The following TUBG2 variants were observed in gnomAD, a reference collection of about 807,000 sequenced individuals.
TUBG2 encodes the protein tubulin gamma-2 chain.
In TUBG2, 39 loss-of-function variants were observed where a neutral mutation model predicts 55.1. That is an observed-to-expected ratio of 0.71 (90% CI 0.55 to 0.93). The LOEUF is 0.93. TUBG2 is among the 40% of genes least tolerant of loss of function. The pLI is 0.00. For synonymous variants in TUBG2, 223 were observed against 241.0 expected (o/e 0.93, Z 0.69); for missense variants, 358 against 599.1 (o/e 0.60, Z 4.20).
chr17:42,660,639 G>A lies in TUBG2; in HGVS notation c.331G>A (p.Gly111Ser). 1 of 1,613,924 alleles carries A rather than the reference G, an allele frequency of 6.2e-7. No individual in the cohort carries two copies. Among genetic ancestry groups the A allele is most frequent in the Non-Finnish European group, 8.5e-7 (1 of 1,179,880 alleles). The change falls in exon 4 of 11, where the codon GGT becomes AGT. Residue 111 changes from glycine (G) to serine (S), a missense_variant and splice_region_variant. Coordinates refer to ENST00000251412, the MANE Select transcript of TUBG2 (RefSeq NM_016437.3). Reference sequence around the variant, plus strand: ...CCTCCCTTTCCATATCTCTATACAGGGTGAGAAAATTCATGAAGACATCTT... The same window carrying A: ...CCTCCCTTTCCATATCTCTATACAGAGTGAGAAAATTCATGAAGACATCTT... The part of the protein sequence containing the change: ...GNNWASGFSQ[G>S]EKIHEDIFDI...
At chr17:42,665,199 C>T (rs914823537) in intron 6 of TUBG2, among the ~76,000 whole-genome samples, 1 of 152,078 alleles carries the variant, frequency 6.6e-6, no homozygotes, top group Non-Finnish European at 1.5e-5. Flanking sequence ...AGGCGCCCGC[C>T]AACATGCCTG....
chr17:42,664,276 T>TA (rs11361586), intron 6 of TUBG2, among the ~76,000 whole-genome samples: 59 of 140,270 alleles, frequency 4.2e-4, no homozygotes, highest in Non-Finnish European at 1.8e-4. Context: ...ACCTTGTGTT[T>TA]AAAAAAAAAA....
At chr17:42,666,049 T>G (rs1323654730) in intron 8 of TUBG2, 38 bp from the exon 9 acceptor site, 2 of 1,613,600 alleles carry the variant, frequency 1.2e-6, no homozygotes, top group Middle Eastern at 1.7e-4. Flanking sequence ...GACTGTGCCC[T>G]GAGCGCTGGC....
At chr17:42,665,023 A>G (rs1223139016) in intron 6 of TUBG2, among the ~76,000 whole-genome samples, 3 of 150,170 alleles carry the variant, frequency 2.0e-5, no homozygotes, top group Non-Finnish European at 4.4e-5. Flanking sequence ...CAGTACTTTT[A>G]TTTTATTTTA....
rs751938532 is a variant in TUBG2 at position 42,662,997 on chromosome 17, G to A, written c.424G>A (p.Ala142Thr). The A allele has an allele frequency of 7.4e-6, 12 of 1,613,958 alleles. No individual in the cohort carries two copies. Among genetic ancestry groups the A allele is most frequent in the Non-Finnish European group, 9.3e-6 (11 of 1,180,004 alleles). The change falls in exon 5 of 11, where the codon GCT (alanine) becomes ACT (threonine). Residue 142 changes from alanine (A) to threonine (T), a missense_variant. By Grantham distance (58) the Ala-to-Thr change is moderately conservative. Around this residue, in one of 8 missense-constraint regions of TUBG2, gnomAD observed 30 missense variants for 52.8 expected, o/e 0.57. Coordinates refer to ENST00000251412, the MANE Select transcript of TUBG2 (RefSeq NM_016437.3). ...LEGFVLCHSI[A>T]GGTGSGLGSY... The stretch of plus-strand genomic sequence containing the variant: ...GGGCTTCGTGCTGTGTCACTCCATC[G>A]CTGGGGGTACGGGTTCTGGCCTGGG...
chr17:42,659,629 A>G, intron 1 of TUBG2, 77 bp downstream of exon 1: 2 of 1,466,180 alleles, frequency 1.4e-6, no homozygotes, highest in Non-Finnish European at 1.8e-6. Flanking sequence ...GGCTTCCACC[A>G]GTCCCCCTTT....
At chr17:42,663,205 G>A (rs1046385887) in intron 5 of TUBG2, among the ~76,000 whole-genome samples, 153 bp downstream of exon 5, 1 of 152,090 alleles carries the variant, frequency 6.6e-6, no homozygotes, top group Non-Finnish European at 1.5e-5. Context: ...TTGGGGGGTG[G>A]GGGTTTACCT....
chr17:42,660,678 C>G lies in TUBG2; in HGVS notation c.370C>G (p.Arg124Gly), dbSNP rs1365669380. The change falls in exon 4 of 11, where the codon CGA becomes GGA. Residue 124 changes from arginine to glycine, a missense_variant. Physicochemically the swap from Arg to Gly is moderately radical, Grantham distance 125. This residue lies in a region of TUBG2 where 30 missense variants were observed against 52.8 expected (regional missense o/e 0.57). Coordinates refer to ENST00000251412, the MANE Select transcript of TUBG2 (RefSeq NM_016437.3). ...TGAAGACATCTTTGACATCATAGAC[C>G]GAGAAGCAGATGGAAGTGACAGTTT... is the stretch of plus-strand genomic sequence containing the variant. The part of the protein sequence containing the change: ...IHEDIFDIID[R>G]EADGSDSLEG... The G allele has an allele frequency of 1.9e-6, 3 of 1,613,830 alleles. No individual in the cohort carries two copies. Among genetic ancestry groups the G allele is most frequent in the Non-Finnish European group, 2.5e-6 (3 of 1,180,006 alleles).
chr17:42,659,733 A>G, intron 1 of TUBG2, 101 bp from the exon 2 acceptor site: 1 of 1,481,952 alleles, frequency 6.7e-7, no homozygotes, highest in East Asian at 2.3e-5. Context: ...AAACCCAGGC[A>G]TCTTGGGTCC....
rs770033198 is a variant in TUBG2 at position 42,663,058 on chromosome 17, C to T, written c.479+6C>T. ...CTGGAGCGACTGAATGACAGGCAAG[C>T]CTGTGTTTGGGGAGAGGGCATTAAC... On this transcript the variant is annotated splice_donor_region_variant and intron_variant, in intron 5 of 10. Transcript: ENST00000251412. 3 of 1,613,658 alleles carry T rather than the reference C, an allele frequency of 1.9e-6. No individual in the cohort carries two copies. Among genetic ancestry groups the T allele is most frequent in the Middle Eastern group, 1.7e-4 (1 of 6,052 alleles).
chr17:42,660,820 G>T, intron 4 of TUBG2, 113 bp downstream of exon 4: 1 of 807,012 alleles, frequency 1.2e-6, no homozygotes, highest in Non-Finnish European at 2.1e-6. Context: ...TTCAAAACCC[G>T]TTTATGGAGC....
At chr17:42,660,552 G>T in intron 3 of TUBG2, 87 bp from the exon 4 acceptor site, 1 of 1,398,202 alleles carries the variant, frequency 7.2e-7, no homozygotes, top group East Asian at 2.3e-5. Flanking sequence ...CAATATTCCA[G>T]GGTAGACAGA....
At chr17:42,660,971 G>C in intron 4 of TUBG2, 1 of 410,950 alleles carries the variant, frequency 2.4e-6, no homozygotes, top group Non-Finnish European at 4.5e-6. Flanking sequence ...CCTCAGCCTG[G>C]ATGCATAAGA....
intron 6 of TUBG2, among the ~76,000 whole-genome samples, chr17:42,664,557 A>T (rs1360719906): frequency 2.6e-5 from 4 of 152,070 alleles, no homozygotes; most frequent in African/African-American, 9.7e-5. Flanking sequence ...CTCAAGGATA[A>T]CTTTCTTAGC....
chr17:42,659,542 C>A lies in TUBG2; in HGVS notation c.39C>A (p.Cys13Ter). Residue 13 changes from cysteine to a stop codon, truncating the protein, a stop_gained, in exon 1 of 11, where the codon TGC (cysteine) becomes TGA (stop). Coordinates refer to ENST00000251412, the MANE Select transcript of TUBG2 (RefSeq NM_016437.3). LOFTEE classifies it high-confidence loss of function. ...REIITLQLGQ[C>*]GNQIGFEFWK... ...TCATCACCCTGCAGCTGGGCCAGTG[C>A]GGCAACCAGAGTGAGCAAGCGAGCG... 1.3e-6 allele frequency: 2 copies of A among 1,549,548 alleles called. No homozygotes were observed. The highest frequency in any genetic ancestry group is 1.7e-6 in the Non-Finnish European group (2 of 1,147,058).
intron 6 of TUBG2, 97 bp from the exon 7 acceptor site, chr17:42,665,379 A>G: frequency 6.3e-7 from 1 of 1,582,282 alleles, no homozygotes; most frequent in South Asian, 1.1e-5. Flanking sequence ...TAACAAACCT[A>G]CTTCCTGGCT....
rs1476768874 is a variant in TUBG2, at chr17:42,662,983, T to C, written c.410T>C (p.Leu137Pro). The C allele has an allele frequency of 6.2e-7, 1 of 1,614,090 alleles. No individual in the cohort carries two copies. Among genetic ancestry groups the C allele is most frequent in the Non-Finnish European group, 8.5e-7 (1 of 1,179,992 alleles). The change falls in exon 5 of 11, where the codon CTG becomes CCG. Residue 137 changes from leucine (L) to proline (P), a missense_variant. By Grantham distance (98) the Leu-to-Pro change is moderately conservative. This residue lies in a region of TUBG2 where 30 missense variants were observed against 52.8 expected (regional missense o/e 0.57). Transcript: ENST00000251412. Reference protein sequence around the residue: ...DGSDSLEGFVLCHSIAGGTGS... With the variant: ...DGSDSLEGFVPCHSIAGGTGS... The stretch of plus-strand genomic sequence containing the variant: ...CCTGTATACACACAGGGCTTCGTGC[T>C]GTGTCACTCCATCGCTGGGGGTACG...
chr17:42,659,620 G>T, intron 1 of TUBG2, 68 bp downstream of exon 1: 1 of 1,482,532 alleles, frequency 6.7e-7, no homozygotes. Flanking sequence ...CAAGTGCCTG[G>T]CTTCCACCAG....
chr17:42,659,856 G>T lies in TUBG2; in HGVS notation c.72G>T (p.Gln24His). Residue 24 changes from glutamine to histidine, a missense_variant, in exon 2 of 11, where the codon CAG (glutamine) becomes CAT (histidine). Gln to His is a conservative substitution (Grantham distance 24). Transcript: ENST00000251412. Reference protein sequence around the residue: ...GNQIGFEFWKQLCAEHGISPE... With the variant: ...GNQIGFEFWKHLCAEHGISPE... The stretch of plus-strand genomic sequence containing the variant: ...CAGTTGGGTTCGAGTTCTGGAAACA[G>T]CTGTGCGCCGAGCATGGTATCAGCC... 6.2e-7 allele frequency: 1 copy of T among 1,614,144 alleles called. No homozygotes were observed. The highest frequency in any genetic ancestry group is 8.5e-7 in the Non-Finnish European group (1 of 1,180,014).
Sources: gnomAD v4.1 joint callset for allele counts (sites outside exome capture counted in the v4.1 genomes callset) on GRCh38, gnomAD v4.1.1 for gene constraint, gnomAD v4.1.1 regional missense constraint, MANE v1.5 for transcripts, NCBI Gene and HGNC (gene_info 2026-07-23, HGNC 2026-07-21) for gene names.